KCNK10: variants seen among roughly 807,000 people sequenced by gnomAD.
KCNK10 encodes potassium two pore domain channel subfamily K member 10, also known as potassium channel subfamily K member 10.
In KCNK10, 25 loss-of-function variants were observed where a neutral mutation model predicts 47.7. That is an observed-to-expected ratio of 0.52 (90% CI 0.38 to 0.73). KCNK10 has a LOEUF of 0.73. Among genes scored for constraint, KCNK10 ranks in the 30% least tolerant of loss-of-function variants. KCNK10 has a pLI of 0.00. For synonymous variants in KCNK10, 303 were observed against 285.6 expected (o/e 1.06, Z -0.61); for missense variants, 563 against 714.5 (o/e 0.79, Z 2.42).
intron 1 of KCNK10, among the ~76,000 whole-genome samples, chr14:88,312,917 C>T (rs1888357152): frequency 6.6e-6 from 1 of 152,162 alleles, no homozygotes; most frequent in Admixed American, 6.5e-5. Flanking sequence ...TGTTTCAAGC[C>T]GTTGGTAAAT....
intron 5 of KCNK10, among the ~76,000 whole-genome samples, chr14:88,190,413 AC>A (rs1441773657): frequency 6.6e-6 from 1 of 152,208 alleles, no homozygotes; most frequent in Non-Finnish European, 1.5e-5. Flanking sequence ...TTTCCCACGG[AC>A]CGGCTACGGA....
chr14:88,262,763 T>C (rs1375837787), intron 2 of KCNK10, among the ~76,000 whole-genome samples: 1 of 152,208 alleles, frequency 6.6e-6, no homozygotes, highest in Non-Finnish European at 1.5e-5. Context: ...TTCACCCACA[T>C]ACCTGGTGGC....
chr14:88,316,200 A>G (rs550487429), intron 1 of KCNK10, among the ~76,000 whole-genome samples: 1 of 151,970 alleles, frequency 6.6e-6, no homozygotes, highest in South Asian at 2.1e-4. Context: ...CTCCCTCATG[A>G]CCGTGCCCTC....
intron 1 of KCNK10, among the ~76,000 whole-genome samples, chr14:88,311,687 G>A (rs557880502): frequency 5.3e-5 from 8 of 152,284 alleles, no homozygotes; most frequent in African/African-American, 1.4e-4. Context: ...ATGGAAAAGC[G>A]GAAGAAATTA....
At chr14:88,233,152 T>C (rs113291812) in intron 3 of KCNK10, among the ~76,000 whole-genome samples, 3,105 of 152,262 alleles carry the variant, frequency 0.02, 110 homozygotes, top group African/African-American at 0.071. Flanking sequence ...AGAAAATATA[T>C]TGACCCCAGT....
At chr14:88,300,009 T>C (rs992294596) in intron 1 of KCNK10, among the ~76,000 whole-genome samples, 13 of 152,142 alleles carry the variant, frequency 8.5e-5, no homozygotes, top group African/African-American at 3.1e-4. Flanking sequence ...TCACAAATAT[T>C]CCTTCATGTA....
chr14:88,274,388 C>A (rs113563691), intron 1 of KCNK10, among the ~76,000 whole-genome samples: 14,365 of 151,332 alleles, frequency 0.095, 1,718 homozygotes, highest in African/African-American at 0.29. Flanking sequence ...ATGCCAAAAC[C>A]CTGTCTCTAC....
chr14:88,306,036 C>CA (rs555566917), intron 1 of KCNK10, among the ~76,000 whole-genome samples: 21 of 151,648 alleles, frequency 1.4e-4, no homozygotes, highest in South Asian at 8.3e-4. Flanking sequence ...AAGAAAAAGG[C>CA]AAAAAAAATG....
intron 1 of KCNK10, among the ~76,000 whole-genome samples, chr14:88,279,950 CT>C (rs1217862906): frequency 1.3e-5 from 2 of 152,188 alleles, no homozygotes; most frequent in African/African-American, 2.4e-5. Flanking sequence ...TCTCTTGCTG[CT>C]GCCATGTAAG....
At chr14:88,220,309 T>C (rs1251480587) in intron 4 of KCNK10, among the ~76,000 whole-genome samples, 2 of 146,884 alleles carry the variant, frequency 1.4e-5, no homozygotes, top group African/African-American at 2.5e-5. Context: ...CCCAGCTACT[T>C]GGGAGGCTGA....
intron 4 of KCNK10, among the ~76,000 whole-genome samples, chr14:88,194,402 A>G (rs1227230133): frequency 2.0e-5 from 3 of 152,236 alleles, no homozygotes; most frequent in Admixed American, 2.0e-4. Context: ...TTCGCCATAG[A>G]TCATTAAGTC....
chr14:88,280,665 C>T (rs1887631645), intron 1 of KCNK10, among the ~76,000 whole-genome samples: 1 of 152,176 alleles, frequency 6.6e-6, no homozygotes, highest in African/African-American at 2.4e-5. Flanking sequence ...GCCAAATAGG[C>T]AGGATCCTGA....
At chr14:88,304,373 GAAGT>G (rs1208064198) in intron 1 of KCNK10, among the ~76,000 whole-genome samples, 4 of 152,146 alleles carry the variant, frequency 2.6e-5, no homozygotes, top group East Asian at 1.9e-4. Context: ...TTATTGTAAT[GAAGT>G]AAGAAAGACA....
chr14:88,300,289 TCTC>T (rs1888067310), intron 1 of KCNK10, among the ~76,000 whole-genome samples: 1 of 152,196 alleles, frequency 6.6e-6, no homozygotes, highest in Admixed American at 6.5e-5. Flanking sequence ...TTCTTCTACT[TCTC>T]ATTCTTATCC....
chr14:88,282,846 A>G (rs978489490), intron 1 of KCNK10, among the ~76,000 whole-genome samples: 1 of 152,216 alleles, frequency 6.6e-6, no homozygotes, highest in Non-Finnish European at 1.5e-5. Flanking sequence ...AAAAATCAAC[A>G]GAGGCTGGAA....
At chr14:88,326,337 C>T, upstream of KCNK10, 1 of 1,217,474 alleles carries the variant, frequency 8.2e-7, no homozygotes, top group Admixed American at 1.8e-5. Flanking sequence ...CCCAAGAAAA[C>T]TTAGCCCTTT....
At position 88,289,541 on chromosome 14, in the gene KCNK10, C is replaced by T. The variant is rs577450114; in HGVS notation, c.53-25990G>A. Among the ~76,000 whole-genome samples the T allele has an allele frequency of 7.2e-5, 11 of 152,336 alleles. No individual in the cohort carries two copies. The South Asian group carries it at 2.1e-3, about 29-fold the overall frequency. On this transcript the variant is annotated intron_variant, in intron 1 of 6. Coordinates refer to ENST00000319231, the MANE Select transcript of KCNK10 (RefSeq NM_138317.3). ...GCATCAGCCTCCTCTGGGAGCTCTG[C>T]CCACTGGCCCTCATCATAGCTGCTT... is the stretch of plus-strand genomic sequence containing the variant.
At chr14:88,273,734 G>A (rs560187801) in intron 1 of KCNK10, among the ~76,000 whole-genome samples, 1 of 152,242 alleles carries the variant, frequency 6.6e-6, no homozygotes, top group South Asian at 2.1e-4. Flanking sequence ...AGGCCCTAAA[G>A]GTGCACACAG....
intron 1 of KCNK10, among the ~76,000 whole-genome samples, chr14:88,265,755 C>T (rs76625196): frequency 0.019 from 2,907 of 152,182 alleles, 101 homozygotes; most frequent in African/African-American, 0.066. Context: ...GGTTTTTCCC[C>T]GTGCTGTTCT....
Sources: allele counts gnomAD v4.1 joint callset (sites outside exome capture counted in the v4.1 genomes callset), GRCh38; gene constraint gnomAD v4.1.1; transcripts MANE v1.5; gene names NCBI Gene and HGNC (gene_info 2026-07-23, HGNC 2026-07-21).